EFNA3: variants seen among roughly 807,000 people sequenced by gnomAD.
EFNA3 encodes ephrin A3, also known as ephrin-A3.
A neutral mutation model predicts 25.0 loss-of-function variants in EFNA3; 15 were observed. The observed-to-expected ratio is 0.60, with a 90% CI of 0.40 to 0.92. The LOEUF (loss-of-function observed/expected upper bound fraction) is 0.92, where lower values mean the gene tolerates loss of function less well. Ranked by LOEUF, EFNA3 falls within the 40% of genes least tolerant of loss-of-function variation. EFNA3 has a pLI of 0.00. For synonymous variants in EFNA3, 153 were observed against 145.6 expected (o/e 1.05, Z -0.37); for missense variants, 298 against 323.8 (o/e 0.92, Z 0.61).
Position 155,086,682 on chromosome 1 carries a change from T to C in EFNA3, c.*139T>C. On this transcript the variant is annotated 3_prime_UTR_variant, in exon 5 of 5. Transcript: ENST00000368408. ...AAGTGGGGCCTGCACCATACATCTG[T>C]GTCCGCCCCCTCTACCCCTTCCCCC... 9.2e-7 allele frequency: 1 copy of C among 1,089,592 alleles called. No individual in the cohort carries two copies. The highest frequency in any genetic ancestry group is 1.3e-6 in the Non-Finnish European group (1 of 773,188). The allele number at this position is 1,089,592 out of a possible 1,614,324, so 67.5% of individuals were successfully genotyped here.
In EFNA3 at chr1:155,083,455, C is replaced by T. The variant is rs143786053; in HGVS notation, c.129-1636C>T. 1.0e-3 allele frequency among the ~76,000 whole-genome samples: 155 copies of T among 152,374 alleles called. 1 individual carries two copies. Among genetic ancestry groups the T allele is most frequent in the African/African-American group, 3.5e-3 (145 of 41,582 alleles). ...AGTGCCGCAGGCCGAGGCTCCTGCC[C>T]ACCTGAGTGCCAGGGCAAGGGAGGG... On this transcript the variant is annotated intron_variant, in intron 1 of 4. Coordinates refer to ENST00000368408, the MANE Select transcript of EFNA3 (RefSeq NM_004952.5).
Position 155,079,081 on chromosome 1 carries a change from ACCC to A in EFNA3, c.128+13_128+15del. 1 of 1,313,946 alleles carries A rather than the reference ACCC, an allele frequency of 7.6e-7. No homozygotes were observed. The highest frequency in any genetic ancestry group is 4.1e-5 in the Admixed American group (1 of 24,388). 81.4% of individuals were successfully genotyped at this position (1,313,946 alleles called of 1,614,324 possible). On this transcript the variant is annotated intron_variant, in intron 1 of 4. Transcript: ENST00000368408. This position sits in a 1 kb window ranked among gnomAD's most constrained non-coding sequence, Gnocchi z 7.7. ...AGCTCCAACCAGCAGTGAGTCGGGG[ACCC>A]TGGGAGTCCGCGCGTCCCGTCTCAG...
rs886197249 is a variant in EFNA3, at chr1:155,078,916, GGGCGGC to G, written c.-13_-8del. ...GCCGGGAGCGCGGGGCTCAGTCGGG[GGGCGGC>G]GGCGGCGGCGGCTCCGGGGATGGCG... is the stretch of plus-strand genomic sequence containing the variant. On this transcript the variant is annotated 5_prime_UTR_variant, in exon 1 of 5. Coordinates refer to ENST00000368408, the MANE Select transcript of EFNA3 (RefSeq NM_004952.5). 6 of 1,376,138 alleles carry G rather than the reference GGGCGGC, an allele frequency of 4.4e-6. No homozygotes were observed. The highest frequency in any genetic ancestry group is 3.8e-5 in the Admixed American group (1 of 26,292). 85.2% of individuals were successfully genotyped at this position (1,376,138 alleles called of 1,614,324 possible). A position where few individuals can be genotyped will look rare whatever the true frequency, so the allele number is the denominator to read the frequency against.
In EFNA3 at chr1:155,087,005, T is replaced by TC. The variant is rs1663486117; in HGVS notation, c.*466dup. 2 of 154,578 alleles carry TC rather than the reference T, an allele frequency of 1.3e-5. No homozygotes were observed. The highest frequency in any genetic ancestry group is 6.5e-5 in the Admixed American group (1 of 15,406). 9.6% of individuals were successfully genotyped at this position (154,578 alleles called of 1,614,324 possible). ...GGGGCAGCACTGCCTGCTGCTTCCT[T>TC]CCCCTGTTTACAGCAATAAGCACGT... On this transcript the variant is annotated 3_prime_UTR_variant, in exon 5 of 5. Coordinates refer to ENST00000368408, the MANE Select transcript of EFNA3 (RefSeq NM_004952.5).
At chr1:155,084,772 C>G (rs1423001361) in intron 1 of EFNA3, among the ~76,000 whole-genome samples, 5 of 152,256 alleles carry the variant, frequency 3.3e-5, no homozygotes, top group Non-Finnish European at 5.9e-5. Context: ...CTGTGGCAAC[C>G]AAAGCGTACG....
chr1:155,086,102 C>A, intron 3 of EFNA3, 26 bp from the exon 4 acceptor site: 1 of 1,603,886 alleles, frequency 6.2e-7, no homozygotes, highest in South Asian at 1.1e-5. Flanking sequence ...CCCCTCCTCT[C>A]TCCCCACCCG....
chr1:155,082,934 C>G (rs1335395365), intron 1 of EFNA3, among the ~76,000 whole-genome samples: 2 of 152,210 alleles, frequency 1.3e-5, no homozygotes, highest in African/African-American at 4.8e-5. Context: ...CCGTTTGTCC[C>G]CGTGCCCTCT....
At position 155,081,897 on chromosome 1, in the gene EFNA3, G is replaced by T. The variant is rs1201389746; in HGVS notation, c.128+2828G>T. On this transcript the variant is annotated intron_variant, in intron 1 of 4. Coordinates refer to ENST00000368408, the MANE Select transcript of EFNA3 (RefSeq NM_004952.5). The surrounding 1 kb of genome is among the most constrained non-coding windows in gnomAD (Gnocchi z 5.2). ...GTGTCTCGCTTTCGGCAGGTCTCTC[G>T]CTCCTCTCCGCCGCTGCAGATCAAT... Among the ~76,000 whole-genome samples, 2 of 152,110 alleles carry T rather than the reference G, an allele frequency of 1.3e-5. No homozygotes were observed. Among genetic ancestry groups the T allele is most frequent in the African/African-American group, 4.8e-5 (2 of 41,426 alleles).
Position 155,085,381 on chromosome 1 carries a change from C to T in EFNA3, c.419C>T (p.Ala140Val). ...TTCTCTCTGGGCTACGAGTTCCACG[C>T]CGGCCACGAGTACTACTACATCTGT... is the stretch of plus-strand genomic sequence containing the variant. Reference protein sequence around the residue: ...SAFSLGYEFHAGHEYYYISTP... With the variant: ...SAFSLGYEFHVGHEYYYISTP... The change falls in exon 2 of 5, where the codon GCC (alanine) becomes GTC (valine). Residue 140 changes from alanine to valine, a missense_variant. Physicochemically the swap from Ala to Val is moderately conservative, Grantham distance 64 (BLOSUM62 0). Transcript: ENST00000368408. This position sits in a 1 kb window ranked among gnomAD's most constrained non-coding sequence, Gnocchi z 4.4. The T allele has an allele frequency of 6.2e-7, 1 of 1,609,444 alleles. No individual in the cohort carries two copies. The highest frequency in any genetic ancestry group is 8.5e-7 in the Non-Finnish European group (1 of 1,177,530).
intron 3 of EFNA3, 67 bp from the exon 4 acceptor site, chr1:155,086,061 A>C (rs981785418): frequency 2.5e-6 from 4 of 1,575,558 alleles, no homozygotes; most frequent in African/African-American, 2.7e-5. Context: ...CCCCAGCCGT[A>C]GCAAGGGGAG....
At position 155,086,559 on chromosome 1, in the gene EFNA3, T is replaced by TGG. The variant is rs11449003; in HGVS notation, c.*23_*24dup. 1.6e-4 allele frequency: 255 copies of TGG among 1,604,758 alleles called. 1 individual carries two copies. Among genetic ancestry groups the TGG allele is most frequent in the African/African-American group, 5.0e-4 (37 of 73,500 alleles). ...GGCCTCCTAGCTCTGCCCCCTCCCC[T>TGG]GGGGGGGGAGAGATGGGGCGGGGCT... is the stretch of plus-strand genomic sequence containing the variant. On this transcript the variant is annotated 3_prime_UTR_variant, in exon 5 of 5. Coordinates refer to ENST00000368408, the MANE Select transcript of EFNA3 (RefSeq NM_004952.5).
In EFNA3 at chr1:155,086,428, A is replaced by G; in HGVS notation, c.602A>G (p.Glu201Gly). The change falls in exon 5 of 5, where the codon GAG becomes GGG. Residue 201 changes from glutamate (E) to glycine (G), a missense_variant. Glu to Gly is a moderately conservative substitution (Grantham distance 98, BLOSUM62 -2). Coordinates refer to ENST00000368408, the MANE Select transcript of EFNA3 (RefSeq NM_004952.5). The part of the protein sequence containing the change: ...KINVLEDFEG[E>G]NPQVPKLEKS... ...CTGTCCACAGAAGACTTTGAGGGAG[A>G]GAACCCTCAGGTGCCCAAGCTTGAG... 3 of 1,614,028 alleles carry G rather than the reference A, an allele frequency of 1.9e-6. No homozygotes were observed. Among genetic ancestry groups the G allele is most frequent in the Non-Finnish European group, 2.5e-6 (3 of 1,179,954 alleles).
intron 1 of EFNA3, among the ~76,000 whole-genome samples, chr1:155,083,807 C>A (rs1266145052): frequency 6.6e-6 from 1 of 152,212 alleles, no homozygotes; most frequent in Non-Finnish European, 1.5e-5. Flanking sequence ...CTCCCAGGGA[C>A]TAGGGACCCC....
At position 155,086,204 on chromosome 1, in the gene EFNA3, G is replaced by A; in HGVS notation, c.585G>A (p.Leu195=). 1 of 1,613,760 alleles carries A rather than the reference G, an allele frequency of 6.2e-7. No individual in the cohort carries two copies. Among genetic ancestry groups the A allele is most frequent in the Non-Finnish European group, 8.5e-7 (1 of 1,179,838 alleles). ...GCCCCAATGTGAAGATCAACGTGCT[G>A]GGTGAGTCTGCGCAGCGCCCTCTGG... ...TMGPNVKINV[L]EDFEGENPQV... Residue 195 remains leucine, a splice_region_variant and synonymous_variant, in exon 4 of 5, where the codon CTG becomes CTA. Coordinates refer to ENST00000368408, the MANE Select transcript of EFNA3 (RefSeq NM_004952.5).
At chr1:155,086,015 G>T in intron 3 of EFNA3, 73 bp downstream of exon 3, 1 of 1,574,880 alleles carries the variant, frequency 6.3e-7, no homozygotes, top group East Asian at 2.4e-5. Flanking sequence ...GCTTCCTGGG[G>T]GTGGGGGCGG....
Position 155,081,061 on chromosome 1 carries a change from C to T in EFNA3, c.128+1992C>T, listed in dbSNP as rs1258684058. Among the ~76,000 whole-genome samples the T allele has an allele frequency of 6.6e-6, 1 of 152,210 alleles. No individual in the cohort carries two copies. Among genetic ancestry groups the T allele is most frequent in the African/African-American group, 2.4e-5 (1 of 41,452 alleles). On this transcript the variant is annotated intron_variant, in intron 1 of 4. Coordinates refer to ENST00000368408, the MANE Select transcript of EFNA3 (RefSeq NM_004952.5). The surrounding 1 kb of genome is among the most constrained non-coding windows in gnomAD (Gnocchi z 5.2). ...CGTGAGCTGGGCTCCTGGCTCCCACCTCCCGTCACGTGCGGAGGGTCTCTG... is the reference window on the plus strand; with the variant it reads ...CGTGAGCTGGGCTCCTGGCTCCCACTTCCCGTCACGTGCGGAGGGTCTCTG...
rs1204492667 is a variant in EFNA3 at position 155,085,382 on chromosome 1, C to T, written c.420C>T (p.Ala140=). 8.7e-6 allele frequency: 14 copies of T among 1,609,064 alleles called. No individual in the cohort carries two copies. In the Admixed American group the frequency reaches 1.5e-4, roughly 17 times the overall value. ...TCTCTCTGGGCTACGAGTTCCACGC[C>T]GGCCACGAGTACTACTACATCTGTG... ...SAFSLGYEFH[A]GHEYYYISTP... is the part of the protein sequence containing the mutation. The change falls in exon 2 of 5, where the codon GCC becomes GCT. Residue 140 remains alanine, a synonymous_variant. Coordinates refer to ENST00000368408, the MANE Select transcript of EFNA3 (RefSeq NM_004952.5). The surrounding 1 kb of genome is among the most constrained non-coding windows in gnomAD (Gnocchi z 4.4).
chr1:155,083,929 C>G (rs1404361085), intron 1 of EFNA3, among the ~76,000 whole-genome samples: 1 of 152,202 alleles, frequency 6.6e-6, no homozygotes, highest in African/African-American at 2.4e-5. Flanking sequence ...ACTCCTGCCC[C>G]CTCTCCGAGT....
In EFNA3 at chr1:155,085,873, C is replaced by G; in HGVS notation, c.443-4C>G. On this transcript the variant is annotated splice_region_variant and splice_polypyrimidine_tract_variant and intron_variant, in intron 2 of 4. Transcript: ENST00000368408. The surrounding 1 kb of genome is among the most constrained non-coding windows in gnomAD (Gnocchi z 4.4). ...AAGTGACTCAGGCCCGGTCTCCTCC[C>G]CAGCCACGCCCACTCACAACCTGCA... 6.2e-7 allele frequency: 1 copy of G among 1,613,154 alleles called. No individual in the cohort carries two copies. The highest frequency in any genetic ancestry group is 1.1e-5 in the South Asian group (1 of 90,812).
Sources: gnomAD v4.1 joint callset for allele counts (sites outside exome capture counted in the v4.1 genomes callset) on GRCh38, gnomAD v4.1.1 for gene constraint, Gnocchi (gnomAD v3.1) non-coding constraint, MANE v1.5 for transcripts, NCBI Gene and HGNC (gene_info 2026-07-23, HGNC 2026-07-21) for gene names.